Variants in AFG1L observed in about 807,000 individuals in gnomAD.
The protein encoded by AFG1L is AFG1 like ATPase, also known as AFG1-like ATPase.
In AFG1L, 53 loss-of-function variants were observed where a neutral mutation model predicts 62.2. The ratio of observed to expected loss-of-function variants is 0.85; its 90% confidence interval spans 0.68 to 1.07. The LOEUF is 1.07. Among genes scored for constraint, AFG1L ranks in the 50% least tolerant of loss-of-function variants. The pLI is 0.00. For synonymous variants in AFG1L, 228 were observed against 210.3 expected (o/e 1.08, Z -0.73); for missense variants, 555 against 590.5 (o/e 0.94, Z 0.62).
At chr6:108,519,913 C>A (rs563584454) in intron 12 of AFG1L, 103 bp downstream of exon 12, 2 of 618,488 alleles carry the variant, frequency 3.2e-6, no homozygotes, top group Non-Finnish European at 5.5e-6. Context: ...GTATAGTTAA[C>A]CATTGATTGG....
rs189241603 is a variant in AFG1L, at chr6:108,496,327, T to C, written c.1063-13885T>C. Among the ~76,000 whole-genome samples the C allele has an allele frequency of 1.2e-3, 189 of 152,350 alleles. 1 individual carries two copies. In the Middle Eastern group the frequency reaches 0.024, roughly 19 times the overall value. On this transcript the variant is annotated intron_variant, in intron 10 of 12. Transcript: ENST00000368977. ...ATATTTATTAAGCATTCAATAGTTATAATTGATTTTGAAGACTTGGTGATA... is the reference window on the plus strand; with the variant it reads ...ATATTTATTAAGCATTCAATAGTTACAATTGATTTTGAAGACTTGGTGATA...
intron 8 of AFG1L, among the ~76,000 whole-genome samples, chr6:108,472,868 A>G (rs1772959176): frequency 6.7e-6 from 1 of 148,934 alleles, no homozygotes; most frequent in African/African-American, 2.5e-5. Flanking sequence ...CAGTGGCATG[A>G]TCTTGGGTCA....
chr6:108,316,380 C>CAAAA lies in AFG1L; in HGVS notation c.140-7420_140-7417dup, dbSNP rs768461563. ...TGGGCGACAGAGCGAGACTCCGTCTCAAAAAAAAAAAAAAAAAAAAAAAAA... is the reference window on the plus strand; with the variant it reads ...TGGGCGACAGAGCGAGACTCCGTCTCAAAAAAAAAAAAAAAAAAAAAAAAAAAAA... On this transcript the variant is annotated intron_variant, in intron 1 of 12. Coordinates refer to ENST00000368977, the MANE Select transcript of AFG1L (RefSeq NM_145315.5). Among the ~76,000 whole-genome samples, 4 of 18,820 alleles carry CAAAA rather than the reference C, an allele frequency of 2.1e-4. 1 individual carries two copies. Among genetic ancestry groups the CAAAA allele is most frequent in the South Asian group, 4.7e-3 (2 of 424 alleles). 12.3% of individuals were successfully genotyped at this position (18,820 alleles called of 152,430 possible).
At chr6:108,410,001 C>T (rs1016842990) in intron 7 of AFG1L, among the ~76,000 whole-genome samples, 1 of 152,072 alleles carries the variant, frequency 6.6e-6, no homozygotes, top group Non-Finnish European at 1.5e-5. Context: ...GTATGATCCC[C>T]CCATCAAGAA....
At chr6:108,429,584 T>C (rs967231101) in intron 7 of AFG1L, among the ~76,000 whole-genome samples, 2 of 152,202 alleles carry the variant, frequency 1.3e-5, no homozygotes, top group African/African-American at 4.8e-5. Flanking sequence ...CAGCTAGATG[T>C]AAGCATTTGG....
At chr6:108,475,341 CT>C (rs1334027683) in intron 8 of AFG1L, among the ~76,000 whole-genome samples, 2 of 152,098 alleles carry the variant, frequency 1.3e-5, no homozygotes, top group Non-Finnish European at 2.9e-5. Flanking sequence ...CAGCTTTGTT[CT>C]TTTTGCTTAA....
At chr6:108,303,673 A>T (rs1777094299) in intron 1 of AFG1L, among the ~76,000 whole-genome samples, 1 of 152,198 alleles carries the variant, frequency 6.6e-6, no homozygotes, top group African/African-American at 2.4e-5. Context: ...GGCAGTTTTC[A>T]ACAAGTTTTT....
intron 3 of AFG1L, among the ~76,000 whole-genome samples, chr6:108,348,587 G>A (rs1170865842): frequency 6.6e-6 from 1 of 152,208 alleles, no homozygotes; most frequent in African/African-American, 2.4e-5. Context: ...TTACAGAAAA[G>A]AAGGTCAAAC....
chr6:108,369,107 G>T (rs1779881470), intron 6 of AFG1L, among the ~76,000 whole-genome samples: 1 of 152,160 alleles, frequency 6.6e-6, no homozygotes, highest in Admixed American at 6.5e-5. Context: ...GTATATGTGT[G>T]CGTGTGTGTG....
At chr6:108,506,849 A>C (rs1269915734) in intron 10 of AFG1L, among the ~76,000 whole-genome samples, 1 of 152,224 alleles carries the variant, frequency 6.6e-6, no homozygotes, top group Non-Finnish European at 1.5e-5. Flanking sequence ...GAACCCACAG[A>C]TATGGGGAGC....
chr6:108,391,377 A>G (rs955447648), intron 6 of AFG1L, among the ~76,000 whole-genome samples: 1 of 152,152 alleles, frequency 6.6e-6, no homozygotes, highest in Admixed American at 6.5e-5. Context: ...TTCCCTGATC[A>G]TTAGTGATGT....
rs1461488117 is a variant in AFG1L at position 108,295,181 on chromosome 6, T to C, written c.102T>C (p.Ala34=). The C allele has an allele frequency of 6.2e-7, 1 of 1,607,562 alleles. No homozygotes were observed. The highest frequency in any genetic ancestry group is 1.1e-5 in the South Asian group (1 of 91,078). ...VGCGAWAAAL[A]PLATAPGKPF... ...GCGGGGCCTGGGCCGCCGCTCTCGCTCCTCTGGCCACCGCCCCTGGGAAGC... is the reference window on the plus strand; with the variant it reads ...GCGGGGCCTGGGCCGCCGCTCTCGCCCCTCTGGCCACCGCCCCTGGGAAGC... The change falls in exon 1 of 13, where the codon GCT becomes GCC. Residue 34 remains alanine, a synonymous_variant. Transcript: ENST00000368977.
At chr6:108,351,666 CTT>C (rs1203856903) in intron 3 of AFG1L, among the ~76,000 whole-genome samples, 1 of 152,168 alleles carries the variant, frequency 6.6e-6, no homozygotes, top group Admixed American at 6.5e-5. Context: ...AGTGTGCAGT[CTT>C]TTACAAATAA....
chr6:108,345,591 C>T (rs574362595), intron 2 of AFG1L, among the ~76,000 whole-genome samples: 1 of 152,152 alleles, frequency 6.6e-6, no homozygotes, highest in East Asian at 1.9e-4. Flanking sequence ...ACCACCTTGG[C>T]CTCCCAAAGT....
At chr6:108,325,733 A>C (rs1778016364) in intron 2 of AFG1L, among the ~76,000 whole-genome samples, 1 of 151,590 alleles carries the variant, frequency 6.6e-6, no homozygotes, top group South Asian at 2.1e-4. Context: ...TGATCCGCCC[A>C]CCTCGGCCTC....
intron 6 of AFG1L, among the ~76,000 whole-genome samples, chr6:108,373,434 G>T (rs185884823): frequency 3.3e-5 from 5 of 151,976 alleles, no homozygotes; most frequent in Non-Finnish European, 7.4e-5. Flanking sequence ...TCATCCAGTC[G>T]TCATTAATGG....
At chr6:108,324,956 G>A (rs1373375437) in intron 2 of AFG1L, among the ~76,000 whole-genome samples, 2 of 152,128 alleles carry the variant, frequency 1.3e-5, no homozygotes, top group Non-Finnish European at 2.9e-5. Flanking sequence ...GCCACCCAAA[G>A]TGCTGGGATT....
intron 7 of AFG1L, among the ~76,000 whole-genome samples, chr6:108,404,173 A>T (rs928479470): frequency 4.6e-5 from 7 of 152,166 alleles, no homozygotes; most frequent in Non-Finnish European, 2.9e-5. Flanking sequence ...TGCTAGTGTT[A>T]CTTCTTCATT....
intron 2 of AFG1L, among the ~76,000 whole-genome samples, chr6:108,337,129 G>C (rs1778503388): frequency 6.6e-6 from 1 of 152,180 alleles, no homozygotes; most frequent in South Asian, 2.1e-4. Context: ...TGGGTAGCTA[G>C]ATTACAAGTG....
Sources: allele counts gnomAD v4.1 joint callset (sites outside exome capture counted in the v4.1 genomes callset), GRCh38; gene constraint gnomAD v4.1.1; transcripts MANE v1.5; gene names NCBI Gene and HGNC (gene_info 2026-07-23, HGNC 2026-07-21).